CHD6: variants seen among roughly 807,000 people sequenced by gnomAD.
CHD6 encodes ATP-dependent chromatin remodeler CHD6.
In CHD6, 50 loss-of-function variants were observed where a neutral mutation model predicts 276.9. The observed-to-expected ratio is 0.18, with a 90% CI of 0.14 to 0.23. The LOEUF is 0.23. Ranked by LOEUF, CHD6 falls within the 10% of genes least tolerant of loss-of-function variation. CHD6 has a pLI of 1.00. For missense variants in CHD6, 2,564 were observed against 3,365.8 expected, an observed-to-expected ratio of 0.76 and a Z score of 5.89; for synonymous variants, 1,173 against 1,229.3, an observed-to-expected ratio of 0.95 and a Z score of 0.96.
intron 1 of CHD6, among the ~76,000 whole-genome samples, chr20:41,581,481 C>T (rs1049074151): frequency 6.6e-6 from 1 of 152,084 alleles, no homozygotes; most frequent in Non-Finnish European, 1.5e-5. Context: ...TCGAGACCAT[C>T]CTGGCCAACA....
chr20:41,533,006 C>T, intron 3 of CHD6, 44 bp downstream of exon 3: 2 of 1,537,198 alleles, frequency 1.3e-6, no homozygotes, highest in Non-Finnish European at 1.7e-6. Context: ...AATCGTTCTG[C>T]ACTGGCATAG....
chr20:41,537,888 CAT>C (rs368061444), intron 2 of CHD6, among the ~76,000 whole-genome samples: 7 of 152,094 alleles, frequency 4.6e-5, no homozygotes, highest in South Asian at 2.1e-4. Flanking sequence ...CACACACACA[CAT>C]ATACACAGAA....
intron 1 of CHD6, among the ~76,000 whole-genome samples, chr20:41,607,012 A>C (rs1490175161): frequency 6.6e-6 from 1 of 152,100 alleles, no homozygotes; most frequent in African/African-American, 2.4e-5. Context: ...ACACAAACCC[A>C]AACAACTCAC....
At position 41,551,503 on chromosome 20, in the gene CHD6, C is replaced by G. The variant is rs1428808014; in HGVS notation, c.-23-143G>C. ...CATTTATGTCCAACAACCTCCAGAGCCGTAAGTGTACACCTAATTAGATCT... is the reference window on the plus strand; with the variant it reads ...CATTTATGTCCAACAACCTCCAGAGGCGTAAGTGTACACCTAATTAGATCT... On this transcript the variant is annotated intron_variant, in intron 1 of 36. Transcript: ENST00000373233. The G allele has an allele frequency of 5.4e-6, 3 of 553,840 alleles. No homozygotes were observed. In the African/African-American group the frequency reaches 5.8e-5, roughly 11 times the overall value. 34.3% of individuals were successfully genotyped at this position (553,840 alleles called of 1,614,324 possible).
chr20:41,505,995 C>T (rs1207274461), intron 5 of CHD6, among the ~76,000 whole-genome samples: 1 of 152,066 alleles, frequency 6.6e-6, no homozygotes, highest in Non-Finnish European at 1.5e-5. Flanking sequence ...TGGTGTAATC[C>T]TAACTCTTCT....
chr20:41,486,103 C>T (rs1305267177), intron 14 of CHD6: 1 of 152,086 alleles, frequency 6.6e-6, no homozygotes, highest in Admixed American at 6.6e-5. Flanking sequence ...GAAATCGAAT[C>T]CCCCATATGG....
At position 41,413,457 on chromosome 20, in the gene CHD6, C is replaced by A; in HGVS notation, c.6998G>T (p.Gly2333Val). ...TGGCTCAGGAGCCGAGGTGGCAGGC[C>A]CTGGCCCCTCAGGGTGTGTGGTGCT... ...TLSTTHPEGP[G>V]PATSAPEPAT... Residue 2333 changes from glycine (G) to valine (V), a missense_variant, in exon 35 of 37, where the codon GGG becomes GTG. Around this residue, in one of 7 missense-constraint regions of CHD6, gnomAD observed 1,024 missense variants for 1,047.9 expected, o/e 0.98. Transcript: ENST00000373233. 1 of 1,610,038 alleles carries A rather than the reference C, an allele frequency of 6.2e-7. No homozygotes were observed. Among genetic ancestry groups the A allele is most frequent in the Non-Finnish European group, 8.5e-7 (1 of 1,178,862 alleles).
intron 2 of CHD6, among the ~76,000 whole-genome samples, chr20:41,540,471 C>A (rs1255963924): frequency 6.6e-6 from 1 of 152,150 alleles, no homozygotes; most frequent in Non-Finnish European, 1.5e-5. Context: ...TTACAGACTT[C>A]TATAATAAGC....
In CHD6 at chr20:41,511,278, C is replaced by A. The variant is rs537873463; in HGVS notation, c.852+1568G>T. On this transcript the variant is annotated intron_variant, in intron 5 of 36. Transcript: ENST00000373233. ...CTGCTCCATACAGTGTGAATTCTGC[C>A]AAGTCAGCAACAGTGACTCCATAAC... Among the ~76,000 whole-genome samples, 5 of 152,310 alleles carry A rather than the reference C, an allele frequency of 3.3e-5. 1 individual carries two copies. The highest frequency in any genetic ancestry group is 1.2e-4 in the African/African-American group (5 of 41,568).
At chr20:41,426,941 C>A (rs1013878395) in intron 27 of CHD6, among the ~76,000 whole-genome samples, 1 of 152,176 alleles carries the variant, frequency 6.6e-6, no homozygotes, top group African/African-American at 2.4e-5. Context: ...TGACTAGCAT[C>A]TTTTGACCTG....
At chr20:41,534,961 G>C (rs1225651443) in intron 2 of CHD6, among the ~76,000 whole-genome samples, 1 of 152,026 alleles carries the variant, frequency 6.6e-6, no homozygotes, top group African/African-American at 2.4e-5. Context: ...GCTGTCCTCG[G>C]AAGATTCTTG....
At chr20:41,436,860 G>A (rs2047725541) in intron 27 of CHD6, among the ~76,000 whole-genome samples, 1 of 152,146 alleles carries the variant, frequency 6.6e-6, no homozygotes, top group South Asian at 2.1e-4. Context: ...TTTAAAGAGG[G>A]GTGAAGGCAG....
rs879822257 is a variant in CHD6, at chr20:41,591,377, T to TACACACAC, written c.-24+26962_-24+26963insGTGTGTGT. 9.2e-4 allele frequency among the ~76,000 whole-genome samples: 113 copies of TACACACAC among 122,946 alleles called. 1 individual carries two copies. The highest frequency in any genetic ancestry group is 3.3e-3 in the South Asian group (13 of 3,958). 80.7% of individuals were successfully genotyped at this position (122,946 alleles called of 152,430 possible). On this transcript the variant is annotated intron_variant, in intron 1 of 36. Coordinates refer to ENST00000373233, the MANE Select transcript of CHD6 (RefSeq NM_032221.5). ...AAGTATAATTTTACATATATATATA[T>TACACACAC]ATACACACACACACACACACACACA... is the stretch of plus-strand genomic sequence containing the variant.
rs1262027559 is a variant in CHD6, at chr20:41,403,088, A to C, written c.*1505T>G. 1.3e-5 allele frequency: 3 copies of C among 227,638 alleles called. No individual in the cohort carries two copies. Among genetic ancestry groups the C allele is most frequent in the Non-Finnish European group, 1.7e-5 (2 of 117,610 alleles). The allele number at this position is 227,638 out of a possible 1,614,324, so 14.1% of individuals were successfully genotyped here. A position where few individuals can be genotyped will look rare whatever the true frequency, so the allele number is the denominator to read the frequency against. On this transcript the variant is annotated 3_prime_UTR_variant, in exon 37 of 37. Transcript: ENST00000373233. ...CAAATGTATAAAAGACAATGAAAAA[A>C]GCATCATAAATAAATAATGCAAAAT...
chr20:41,575,000 T>C (rs1048830608), intron 1 of CHD6, among the ~76,000 whole-genome samples: 12 of 152,216 alleles, frequency 7.9e-5, no homozygotes, highest in Admixed American at 3.9e-4. Context: ...GTAACTTCAC[T>C]TTAGCCTCTG....
At chr20:41,522,705 A>T (rs565930072) in intron 3 of CHD6, among the ~76,000 whole-genome samples, 1 of 151,942 alleles carries the variant, frequency 6.6e-6, no homozygotes, top group Non-Finnish European at 1.5e-5. Flanking sequence ...AGTTTATAAT[A>T]TAAGTATATA....
chr20:41,583,562 A>G (rs189407252), intron 1 of CHD6, among the ~76,000 whole-genome samples: 16 of 152,334 alleles, frequency 1.1e-4, no homozygotes, highest in Non-Finnish European at 1.9e-4. Flanking sequence ...ACACTGAACA[A>G]AAATGAGGAC....
At chr20:41,560,144 T>C (rs2045286200) in intron 1 of CHD6, among the ~76,000 whole-genome samples, 1 of 152,122 alleles carries the variant, frequency 6.6e-6, no homozygotes, top group Non-Finnish European at 1.5e-5. Flanking sequence ...CTCACCCCCA[T>C]CACCCTCATT....
intron 3 of CHD6, among the ~76,000 whole-genome samples, chr20:41,515,568 T>C (rs752641789): frequency 4.6e-5 from 7 of 152,148 alleles, no homozygotes; most frequent in Non-Finnish European, 1.0e-4. Flanking sequence ...TAAAAGGCCT[T>C]TCCTGGCCTT....
Sources: allele counts gnomAD v4.1 joint callset (sites outside exome capture counted in the v4.1 genomes callset), GRCh38; gene constraint gnomAD v4.1.1; regional missense constraint gnomAD v4.1.1; transcripts MANE v1.5; gene names NCBI Gene and HGNC (gene_info 2026-07-23, HGNC 2026-07-21).